XRCC4: variants seen among roughly 807,000 people sequenced by gnomAD.
XRCC4 encodes the protein DNA repair protein XRCC4.
XRCC4 carries 28 observed loss-of-function variants against 39.1 expected under a neutral mutation model. The observed-to-expected ratio is 0.72, with a 90% confidence interval of 0.53 to 0.98. XRCC4 has a LOEUF of 0.98. XRCC4 is among the 50% of genes least tolerant of loss of function. XRCC4 has a pLI of 0.00. For missense variants in XRCC4, 350 were observed against 376.4 expected (o/e 0.93, Z 0.58); for synonymous variants, 123 against 126.4 (o/e 0.97, Z 0.18).
At chr5:83,159,461 A>G (rs1449959044) in intron 3 of XRCC4, among the ~76,000 whole-genome samples, 1 of 152,168 alleles carries the variant, frequency 6.6e-6, no homozygotes, top group Non-Finnish European at 1.5e-5. Flanking sequence ...TAGTGAAAGG[A>G]GAAATGTTTA....
chr5:83,309,497 C>T (rs552369629), intron 7 of XRCC4, among the ~76,000 whole-genome samples: 4 of 150,738 alleles, frequency 2.7e-5, no homozygotes, highest in Admixed American at 2.6e-4. Context: ...CGCGGTGGCT[C>T]ACGCCTGTAA....
intron 7 of XRCC4, among the ~76,000 whole-genome samples, chr5:83,286,082 C>G (rs778963571): frequency 7.9e-5 from 12 of 152,040 alleles, no homozygotes; most frequent in Non-Finnish European, 1.8e-4. Context: ...GGGTGAGGTT[C>G]TAAAGATGGA....
At chr5:83,327,586 A>G (rs1327206540) in intron 7 of XRCC4, among the ~76,000 whole-genome samples, 1 of 152,118 alleles carries the variant, frequency 6.6e-6, no homozygotes, top group Non-Finnish European at 1.5e-5. Flanking sequence ...GTATATGTAT[A>G]TAAAATTTTC....
chr5:83,137,981 G>A lies in XRCC4; in HGVS notation c.315+26778G>A, dbSNP rs181402909. Among the ~76,000 whole-genome samples the A allele has an allele frequency of 8.7e-4, 132 of 152,218 alleles. No individual in the cohort carries two copies. In the Middle Eastern group the frequency reaches 0.01, roughly 12 times the overall value. ...AACATAGTATCTAGGCCTGACTCTT[G>A]AATTTAATTATTTCTAATCATATAT... On this transcript the variant is annotated intron_variant, in intron 3 of 7. Coordinates refer to ENST00000396027, the MANE Select transcript of XRCC4 (RefSeq NM_003401.5).
At chr5:83,266,441 A>T (rs938931174) in intron 7 of XRCC4, among the ~76,000 whole-genome samples, 1 of 151,782 alleles carries the variant, frequency 6.6e-6, no homozygotes, top group African/African-American at 2.4e-5. Flanking sequence ...TAAACTAATT[A>T]TGCCAAAATA....
chr5:83,088,016 T>C (rs1745259751), intron 1 of XRCC4, among the ~76,000 whole-genome samples: 1 of 152,216 alleles, frequency 6.6e-6, no homozygotes, highest in Admixed American at 6.5e-5. Context: ...TTGTCGTTGC[T>C]ACTGGTGAAT....
chr5:83,131,030 C>A (rs1402929535), intron 3 of XRCC4, among the ~76,000 whole-genome samples: 1 of 152,020 alleles, frequency 6.6e-6, no homozygotes, highest in African/African-American at 2.4e-5. Context: ...TATGTTTGCT[C>A]TTGCTTCTCT....
In XRCC4 at chr5:83,203,622, A is replaced by T; in HGVS notation, c.553A>T (p.Asn185Tyr). Residue 185 changes from asparagine to tyrosine, a missense_variant, in exon 5 of 8, where the codon AAT becomes TAT. Asn to Tyr is a moderately radical substitution (Grantham distance 143, BLOSUM62 -2). Coordinates refer to ENST00000396027, the MANE Select transcript of XRCC4 (RefSeq NM_003401.5). Reference protein sequence around the residue: ...DLYKRFILVLNEKKTKIRSLH... With the variant: ...DLYKRFILVLYEKKTKIRSLH... Reference sequence around the variant, plus strand: ...TTATAAGCGGTTTATTCTGGTGTTGAATGAGAAGAAAACAAAAATCAGAAG... The same window carrying T: ...TTATAAGCGGTTTATTCTGGTGTTGTATGAGAAGAAAACAAAAATCAGAAG... 6.2e-7 allele frequency: 1 copy of T among 1,612,364 alleles called. No homozygotes were observed. The highest frequency in any genetic ancestry group is 8.5e-7 in the Non-Finnish European group (1 of 1,179,278).
At chr5:83,324,987 C>A (rs541184110) in intron 7 of XRCC4, among the ~76,000 whole-genome samples, 4 of 152,052 alleles carry the variant, frequency 2.6e-5, no homozygotes, top group African/African-American at 9.7e-5. Flanking sequence ...CTTTGGGAAC[C>A]CTTCAAGTGA....
At chr5:83,240,766 T>C (rs1430709589) in intron 6 of XRCC4, among the ~76,000 whole-genome samples, 2 of 152,152 alleles carry the variant, frequency 1.3e-5, no homozygotes, top group Non-Finnish European at 2.9e-5. Context: ...CCACGGTATA[T>C]TGGGAGTTCT....
At chr5:83,222,399 T>G (rs1256832513) in intron 6 of XRCC4, among the ~76,000 whole-genome samples, 1 of 152,218 alleles carries the variant, frequency 6.6e-6, no homozygotes, top group African/African-American at 2.4e-5. Context: ...AGCTTGTATT[T>G]AAATTTGCCT....
intron 7 of XRCC4, among the ~76,000 whole-genome samples, chr5:83,267,265 G>T (rs1753988309): frequency 6.6e-6 from 1 of 152,108 alleles, no homozygotes; most frequent in Admixed American, 6.6e-5. Context: ...CTTTGAAGAT[G>T]AATGTTATTT....
chr5:83,140,236 A>C (rs1441761351), intron 3 of XRCC4, among the ~76,000 whole-genome samples: 2 of 152,236 alleles, frequency 1.3e-5, no homozygotes, highest in Admixed American at 1.3e-4. Context: ...GTAGTGGCTC[A>C]GACTCAGTCC....
At chr5:83,352,377 G>A (rs2112237836) in intron 7 of XRCC4, among the ~76,000 whole-genome samples, 1 of 152,226 alleles carries the variant, frequency 6.6e-6, no homozygotes, top group South Asian at 2.1e-4. Context: ...GTTTCTACAA[G>A]GATATTAACA....
rs547039444 is a variant in XRCC4, at chr5:83,249,817, G to T, written c.746-8713G>T. On this transcript the variant is annotated intron_variant, in intron 6 of 7. Coordinates refer to ENST00000396027, the MANE Select transcript of XRCC4 (RefSeq NM_003401.5). ...CTTGTCCTAGTTCTAACCAGGTAAT[G>T]TAGAGTCACTGCAGGTAATATGCTG... Among the ~76,000 whole-genome samples the T allele has an allele frequency of 2.0e-5, 3 of 152,238 alleles. No homozygotes were observed. In the South Asian group the frequency reaches 6.2e-4, roughly 32 times the overall value.
rs1294097330 is a variant in XRCC4, at chr5:83,282,688, A to G, written c.893+24011A>G. On this transcript the variant is annotated intron_variant, in intron 7 of 7. Coordinates refer to ENST00000396027, the MANE Select transcript of XRCC4 (RefSeq NM_003401.5). ...AAACCCCATCTCTACTAAAAATACA[A>G]AAAATTAGCCAGGCATGGTGGCAGG... Among the ~76,000 whole-genome samples the G allele has an allele frequency of 2.0e-5, 3 of 151,976 alleles. No individual in the cohort carries two copies. The East Asian group carries it at 5.8e-4, about 29-fold the overall frequency.
Position 83,277,393 on chromosome 5 carries a change from T to G in XRCC4, c.893+18716T>G, listed in dbSNP as rs754939244. On this transcript the variant is annotated intron_variant, in intron 7 of 7. Transcript: ENST00000396027. The stretch of plus-strand genomic sequence containing the variant: ...CATAGCAACTGGCAAAGTTGGTGGC[T>G]GCCCTGTCATCCTGGATCCTGGAAT... Among the ~76,000 whole-genome samples the G allele has an allele frequency of 1.2e-3, 189 of 152,344 alleles. 1 individual carries two copies. The highest frequency in any genetic ancestry group is 2.0e-3 in the Non-Finnish European group (133 of 68,036).
chr5:83,353,065 T>A, intron 7 of XRCC4, 66 bp from the exon 8 acceptor site: 1 of 1,307,512 alleles, frequency 7.6e-7, no homozygotes. Context: ...TGTCTCTTCA[T>A]TTTCTTTTAC....
intron 6 of XRCC4, among the ~76,000 whole-genome samples, chr5:83,206,584 C>T (rs1751431054): frequency 6.6e-6 from 1 of 152,044 alleles, no homozygotes; most frequent in Non-Finnish European, 1.5e-5. Flanking sequence ...ACAGGCAATA[C>T]TTTCAACAAA....
Sources: allele counts gnomAD v4.1 joint callset (sites outside exome capture counted in the v4.1 genomes callset), GRCh38; gene constraint gnomAD v4.1.1; transcripts MANE v1.5; gene names NCBI Gene and HGNC (gene_info 2026-07-23, HGNC 2026-07-21).